Variants in LHCGR observed in about 807,000 individuals in gnomAD.
LHCGR encodes luteinizing hormone/choriogonadotropin receptor.
Under a neutral mutation model 60.7 loss-of-function variants are expected in LHCGR, and 55 were observed. That is an observed-to-expected ratio of 0.91 (90% CI 0.73 to 1.13). The LOEUF (loss-of-function observed/expected upper bound fraction) is 1.13, where lower values mean the gene tolerates loss of function less well. Among genes scored for constraint, LHCGR ranks in the 50% most tolerant of loss-of-function variants. LHCGR has a pLI of 0.00. For missense variants in LHCGR, 862 were observed against 836.0 expected (o/e 1.03, Z -0.38); for synonymous variants, 337 against 316.5 (o/e 1.06, Z -0.69).
intron 8 of LHCGR, among the ~76,000 whole-genome samples, chr2:48,705,336 C>T (rs560953025): frequency 1.2e-4 from 18 of 152,066 alleles, no homozygotes; most frequent in Non-Finnish European, 1.9e-4. Context: ...AGAATAAATG[C>T]GATATGGTGC....
rs1303616475 is a variant in LHCGR at position 48,688,785 on chromosome 2, G to A, written c.1012C>T (p.Pro338Ser). 1.2e-6 allele frequency: 2 copies of A among 1,614,100 alleles called. No individual in the cohort carries two copies. Among genetic ancestry groups the A allele is most frequent in the African/African-American group, 1.3e-5 (1 of 75,024 alleles). The change falls in exon 11 of 11, where the codon CCC becomes TCC. Residue 338 changes from proline (P) to serine (S), a missense_variant. By Grantham distance (74) the Pro-to-Ser change is moderately conservative. Coordinates refer to ENST00000294954, the MANE Select transcript of LHCGR (RefSeq NM_000233.4). This position sits in a 1 kb window ranked among gnomAD's most constrained non-coding sequence, Gnocchi z 5.2. ...TCAGGAGCACATCGGGGTGTCTTGG[G>A]TAAGCAGAAACCATATTCATAGTCC... Reference protein sequence around the residue: ...GWDYEYGFCLPKTPRCAPEPD... With the variant: ...GWDYEYGFCLSKTPRCAPEPD...
At chr2:48,696,715 A>C (rs1667131364) in intron 9 of LHCGR, among the ~76,000 whole-genome samples, 1 of 152,214 alleles carries the variant, frequency 6.6e-6, no homozygotes, top group Non-Finnish European at 1.5e-5. Flanking sequence ...AGGCAATTCA[A>C]ATTGGACATT....
At chr2:48,689,387 G>C (rs562333789) in intron 10 of LHCGR, among the ~76,000 whole-genome samples, 1 of 152,154 alleles carries the variant, frequency 6.6e-6, no homozygotes, top group African/African-American at 2.4e-5. Flanking sequence ...CAAGCTGTTC[G>C]TATGTAGTAG....
intron 3 of LHCGR, 37 bp from the exon 4 acceptor site, chr2:48,725,787 A>G: frequency 6.9e-7 from 1 of 1,454,830 alleles, no homozygotes; most frequent in Non-Finnish European, 9.6e-7. Context: ...CTGCTGTTTA[A>G]TAGATGTGTA....
At chr2:48,731,343 G>T in intron 1 of LHCGR, 45 bp from the exon 2 acceptor site, 2 of 1,387,122 alleles carry the variant, frequency 1.4e-6, no homozygotes, top group South Asian at 2.3e-5. Context: ...ATTTATGATA[G>T]GGTGCCTTTT....
intron 1 of LHCGR, among the ~76,000 whole-genome samples, chr2:48,745,500 G>A (rs1669659151): frequency 6.6e-6 from 1 of 152,148 alleles, no homozygotes; most frequent in African/African-American, 2.4e-5. Flanking sequence ...TATACAACAT[G>A]GAATACCATA....
intron 1 of LHCGR, among the ~76,000 whole-genome samples, chr2:48,734,312 A>G (rs562504322): frequency 3.8e-4 from 58 of 152,354 alleles, no homozygotes; most frequent in Middle Eastern, 3.4e-3. Flanking sequence ...AACACTAGAC[A>G]TTAACCTCCT....
intron 1 of LHCGR, among the ~76,000 whole-genome samples, chr2:48,745,948 G>T (rs1382695355): frequency 1.3e-5 from 2 of 152,068 alleles, no homozygotes; most frequent in African/African-American, 2.4e-5. Flanking sequence ...AGTGGCACTT[G>T]CTTTCTCTCT....
chr2:48,723,679 C>T lies in LHCGR; in HGVS notation c.401G>A (p.Gly134Asp). The T allele has an allele frequency of 3.1e-6, 5 of 1,613,324 alleles. No homozygotes were observed. The highest frequency in any genetic ancestry group is 4.2e-6 in the Non-Finnish European group (5 of 1,179,310). Reference sequence around the variant, plus strand: ...CGTAACATCTGGAAACTTTCTGATGCCTGTGTTACAGATGCTCCTGTGATT... The same window carrying T: ...CGTAACATCTGGAAACTTTCTGATGTCTGTGTTACAGATGCTCCTGTGATT... ...RLKYLSICNTGIRKFPDVTKV... is the reference protein window; with the variant it reads ...RLKYLSICNTDIRKFPDVTKV... Residue 134 changes from glycine (G) to aspartate (D), a missense_variant, in exon 5 of 11, where the codon GGC becomes GAC. Coordinates refer to ENST00000294954, the MANE Select transcript of LHCGR (RefSeq NM_000233.4).
intron 1 of LHCGR, among the ~76,000 whole-genome samples, chr2:48,753,527 C>G (rs1245448908): frequency 6.6e-6 from 1 of 152,116 alleles, no homozygotes; most frequent in East Asian, 1.9e-4. Flanking sequence ...TGCTCAGGGT[C>G]TCTACCCCCA....
chr2:48,693,345 C>G (rs1572815814), intron 10 of LHCGR, among the ~76,000 whole-genome samples: 1 of 152,264 alleles, frequency 6.6e-6, no homozygotes, highest in South Asian at 2.1e-4. Context: ...GGAGAAAGGT[C>G]TCAAAAGGGA....
chr2:48,740,997 A>G (rs374226701), intron 1 of LHCGR, among the ~76,000 whole-genome samples: 2 of 152,186 alleles, frequency 1.3e-5, no homozygotes, highest in Non-Finnish European at 2.9e-5. Context: ...AGTGCTTAAA[A>G]GAGCTGATGG....
chr2:48,747,563 G>A (rs1669764227), intron 1 of LHCGR, among the ~76,000 whole-genome samples: 1 of 152,192 alleles, frequency 6.6e-6, no homozygotes, highest in Non-Finnish European at 1.5e-5. Flanking sequence ...TGAGCAGATC[G>A]ATTCTATGCT....
At chr2:48,705,027 A>G (rs1295741948) in intron 8 of LHCGR, among the ~76,000 whole-genome samples, 1 of 152,190 alleles carries the variant, frequency 6.6e-6, no homozygotes, top group Non-Finnish European at 1.5e-5. Context: ...GTGGGCATTT[A>G]GTGCTATAAA....
intron 1 of LHCGR, among the ~76,000 whole-genome samples, chr2:48,740,478 C>T (rs535938849): frequency 1.8e-3 from 269 of 152,300 alleles, no homozygotes; most frequent in Non-Finnish European, 2.8e-3. Flanking sequence ...GTTCTCACAG[C>T]ACGCAGCTGG....
intron 8 of LHCGR, among the ~76,000 whole-genome samples, chr2:48,707,855 G>A (rs1667772306): frequency 6.6e-6 from 1 of 152,216 alleles, no homozygotes; most frequent in Non-Finnish European, 1.5e-5. Context: ...GAATCTCCTG[G>A]TCTGCTGGTT....
chr2:48,727,531 TA>T (rs1264902405), intron 3 of LHCGR, among the ~76,000 whole-genome samples: 2 of 152,362 alleles, frequency 1.3e-5, no homozygotes, highest in East Asian at 3.9e-4. Flanking sequence ...CGGGAAGCTT[TA>T]TTTATCATTA....
chr2:48,709,084 C>T (rs1667851093), intron 7 of LHCGR, 62 bp from the exon 8 acceptor site: 1 of 1,298,574 alleles, frequency 7.7e-7, no homozygotes, highest in Non-Finnish European at 1.1e-6. Flanking sequence ...TTCGTAGCTC[C>T]ATATACACAT....
At chr2:48,703,168 A>G (rs566858559) in intron 8 of LHCGR, among the ~76,000 whole-genome samples, 1 of 152,308 alleles carries the variant, frequency 6.6e-6, no homozygotes, top group African/African-American at 2.4e-5. Flanking sequence ...GATTCTGGAT[A>G]TTAGCCCTTT....
Sources: gnomAD v4.1 joint callset for allele counts (sites outside exome capture counted in the v4.1 genomes callset) on GRCh38, gnomAD v4.1.1 for gene constraint, Gnocchi (gnomAD v3.1) non-coding constraint, MANE v1.5 for transcripts, NCBI Gene and HGNC (gene_info 2026-07-23, HGNC 2026-07-21) for gene names.